Variants in IMMP2L observed in about 807,000 individuals in gnomAD.
The protein encoded by IMMP2L is inner mitochondrial membrane peptidase subunit 2.
A neutral mutation model predicts 19.3 loss-of-function variants in IMMP2L; 18 were observed. That is an observed-to-expected ratio of 0.93 (90% CI 0.64 to 1.38). IMMP2L has a LOEUF of 1.38. IMMP2L is among the 40% of genes most tolerant of loss of function. The pLI, the probability that IMMP2L is intolerant of heterozygous loss-of-function variation, is 0.00. For missense variants in IMMP2L, 233 were observed against 218.2 expected (o/e 1.07, Z -0.43); for synonymous variants, 76 against 73.0 (o/e 1.04, Z -0.21).
intron 4 of IMMP2L, among the ~76,000 whole-genome samples, chr7:110,943,955 G>A (rs191684702): frequency 6.5e-4 from 99 of 152,024 alleles, no homozygotes; most frequent in Non-Finnish European, 1.2e-3. Context: ...AAATTAGAGA[G>A]TTTACATTTT....
Position 111,237,941 on chromosome 7 carries a change from A to T in IMMP2L, c.239+249297T>A, listed in dbSNP as rs548779898. On this transcript the variant is annotated intron_variant, in intron 3 of 5. Coordinates refer to ENST00000405709, the MANE Select transcript of IMMP2L (RefSeq NM_032549.4). ...TATCCAATAAAGTAGCTGTAATAATAAAAGAATGCACAAAGAGCACCTAAC... is the reference window on the plus strand; with the variant it reads ...TATCCAATAAAGTAGCTGTAATAATTAAAGAATGCACAAAGAGCACCTAAC... Among the ~76,000 whole-genome samples the T allele has an allele frequency of 7.2e-4, 109 of 152,218 alleles. 1 individual carries two copies. The highest frequency in any genetic ancestry group is 1.4e-3 in the Non-Finnish European group (93 of 67,974).
intron 3 of IMMP2L, among the ~76,000 whole-genome samples, chr7:111,216,179 A>T (rs1811903755): frequency 6.6e-6 from 1 of 152,094 alleles, no homozygotes. Context: ...CAATTTTGTC[A>T]TCTCACTTTC....
At chr7:111,432,745 G>C (rs1229597754) in intron 3 of IMMP2L, among the ~76,000 whole-genome samples, 1 of 150,854 alleles carries the variant, frequency 6.6e-6, no homozygotes, top group Non-Finnish European at 1.5e-5. Flanking sequence ...ATATTCAAAG[G>C]CATCCAAATT....
chr7:111,542,347 T>A (rs542167111), intron 1 of IMMP2L, among the ~76,000 whole-genome samples: 1 of 152,168 alleles, frequency 6.6e-6, no homozygotes, highest in Non-Finnish European at 1.5e-5. Flanking sequence ...AAATTTTATA[T>A]CACTATGTTA....
chr7:110,941,474 G>A (rs139282661), intron 4 of IMMP2L, among the ~76,000 whole-genome samples: 3 of 152,124 alleles, frequency 2.0e-5, no homozygotes, highest in South Asian at 2.1e-4. Flanking sequence ...ATTAAGTAAC[G>A]GTTTGAAATT....
chr7:111,326,422 T>C (rs75824297), intron 3 of IMMP2L, among the ~76,000 whole-genome samples: 1,609 of 151,930 alleles, frequency 0.011, 29 homozygotes, highest in African/African-American at 0.036. Context: ...GGGCATGCAT[T>C]CTCCCTCCAT....
In IMMP2L at chr7:111,326,914, A is replaced by T. The variant is rs566642941; in HGVS notation, c.239+160324T>A. Reference sequence around the variant, plus strand: ...ATCTCAAAGAAGTATTTGTATTCCCATGTTCACTGCAGCACTATTCACAAT... The same window carrying T: ...ATCTCAAAGAAGTATTTGTATTCCCTTGTTCACTGCAGCACTATTCACAAT... On this transcript the variant is annotated intron_variant, in intron 3 of 5. Coordinates refer to ENST00000405709, the MANE Select transcript of IMMP2L (RefSeq NM_032549.4). Among the ~76,000 whole-genome samples the T allele has an allele frequency of 9.9e-5, 15 of 152,008 alleles. No homozygotes were observed. In the South Asian group the frequency reaches 2.9e-3, roughly 29 times the overall value.
intron 3 of IMMP2L, among the ~76,000 whole-genome samples, chr7:111,055,247 C>T (rs147682137): frequency 6.6e-6 from 1 of 152,074 alleles, no homozygotes; most frequent in African/African-American, 2.4e-5. Flanking sequence ...CAACGTTCAC[C>T]AGGCTGGTCT....
intron 3 of IMMP2L, among the ~76,000 whole-genome samples, chr7:111,255,441 A>G (rs556214091): frequency 1.3e-5 from 2 of 152,070 alleles, no homozygotes; most frequent in Non-Finnish European, 2.9e-5. Context: ...TCCACTTAAA[A>G]TGATTCATTA....
At chr7:110,962,738 T>C (rs995159032) in intron 4 of IMMP2L, 17 of 1,043,000 alleles carry the variant, frequency 1.6e-5, no homozygotes, top group Non-Finnish European at 2.0e-5. Context: ...TTCAGTGAGA[T>C]TAGTTAATAT....
intron 2 of IMMP2L, among the ~76,000 whole-genome samples, chr7:111,491,020 G>C (rs1843053277): frequency 6.6e-6 from 1 of 151,858 alleles, no homozygotes; most frequent in African/African-American, 2.4e-5. Context: ...CCACCCCTGA[G>C]ACAGTAAGAC....
intron 1 of IMMP2L, among the ~76,000 whole-genome samples, chr7:111,539,248 AAGAAAGAAAGAAAGAAAG>A (rs1848292732): frequency 6.9e-6 from 1 of 145,734 alleles, no homozygotes; most frequent in Non-Finnish European, 1.5e-5. Flanking sequence ...GAAAGAAAGA[AAGAAAGAAAGAAAGAAAG>A]AAAGAGAACA....
At chr7:110,954,450 A>G (rs960893202) in intron 4 of IMMP2L, among the ~76,000 whole-genome samples, 1 of 152,140 alleles carries the variant, frequency 6.6e-6, no homozygotes, top group Non-Finnish European at 1.5e-5. Flanking sequence ...CACAGGAAAT[A>G]TTCAAGGCAC....
chr7:110,884,715 C>T (rs190333899), intron 5 of IMMP2L, among the ~76,000 whole-genome samples: 7 of 152,170 alleles, frequency 4.6e-5, no homozygotes, highest in Non-Finnish European at 7.4e-5. Context: ...AGAGACACTT[C>T]TATACTGTAA....
chr7:110,983,449 C>G (rs1821517035), intron 3 of IMMP2L, among the ~76,000 whole-genome samples: 1 of 151,980 alleles, frequency 6.6e-6, no homozygotes, highest in Non-Finnish European at 1.5e-5. Flanking sequence ...AAATCACTGC[C>G]TCCTCATATT....
intron 5 of IMMP2L, among the ~76,000 whole-genome samples, chr7:110,748,098 C>T (rs1490321922): frequency 1.3e-5 from 2 of 152,090 alleles, no homozygotes; most frequent in Non-Finnish European, 2.9e-5. Flanking sequence ...TTCCTGTACA[C>T]CAATAACAGA....
chr7:110,844,740 A>G (rs1018579734), intron 5 of IMMP2L, among the ~76,000 whole-genome samples: 1 of 152,044 alleles, frequency 6.6e-6, no homozygotes, highest in Non-Finnish European at 1.5e-5. Context: ...TGAAGCTACA[A>G]CCTAAAAGAC....
intron 4 of IMMP2L, among the ~76,000 whole-genome samples, chr7:110,919,894 A>T (rs1260815059): frequency 6.6e-6 from 1 of 152,152 alleles, no homozygotes; most frequent in Admixed American, 6.5e-5. Flanking sequence ...CTGGCTGGGT[A>T]CTACGTAAAT....
intron 3 of IMMP2L, among the ~76,000 whole-genome samples, chr7:111,349,793 C>G (rs889277417): frequency 3.9e-5 from 6 of 152,086 alleles, no homozygotes; most frequent in African/African-American, 1.4e-4. Flanking sequence ...GAGGCCCAAT[C>G]CAGCCTTCTA....
Sources: allele counts gnomAD v4.1 joint callset (sites outside exome capture counted in the v4.1 genomes callset), GRCh38; gene constraint gnomAD v4.1.1; transcripts MANE v1.5; gene names NCBI Gene and HGNC (gene_info 2026-07-23, HGNC 2026-07-21).